Variants in UBE2R2 observed in about 807,000 individuals in gnomAD.
The protein encoded by UBE2R2 is ubiquitin-conjugating enzyme E2 R2.
In UBE2R2, 1 loss-of-function variant was observed where a neutral mutation model predicts 27.8. The observed-to-expected ratio is 0.04, with a 90% confidence interval of 0.01 to 0.17. The LOEUF is 0.17. Ranked by LOEUF, UBE2R2 falls within the 10% of genes least tolerant of loss-of-function variation. The pLI, the probability that UBE2R2 is intolerant of heterozygous loss-of-function variation, is 1.00. For missense variants in UBE2R2, 100 were observed against 291.0 expected, an observed-to-expected ratio of 0.34 and a Z score of 4.78; for synonymous variants, 106 against 113.3, an observed-to-expected ratio of 0.94 and a Z score of 0.41.
intron 3 of UBE2R2, among the ~76,000 whole-genome samples, chr9:33,900,691 A>G (rs1822223547): frequency 6.6e-6 from 1 of 152,136 alleles, no homozygotes; most frequent in Non-Finnish European, 1.5e-5. Context: ...AAAATATTTC[A>G]TACATATAAA....
chr9:33,904,623 A>C (rs1822313173), intron 3 of UBE2R2, among the ~76,000 whole-genome samples: 1 of 152,208 alleles, frequency 6.6e-6, no homozygotes, highest in Admixed American at 6.5e-5. Context: ...AGTCTGTATT[A>C]TCAGATCTGG....
chr9:33,828,387 C>T (rs1820363932), intron 1 of UBE2R2, among the ~76,000 whole-genome samples: 1 of 146,752 alleles, frequency 6.8e-6, no homozygotes. Flanking sequence ...GTTTTTGTCT[C>T]TTAAAACTTT....
intron 2 of UBE2R2, among the ~76,000 whole-genome samples, chr9:33,899,324 T>C (rs186941582): frequency 1.8e-3 from 269 of 152,190 alleles, no homozygotes; most frequent in African/African-American, 6.3e-3. Context: ...CTCAGCCTCC[T>C]GAGTAGCTGG....
intron 1 of UBE2R2, among the ~76,000 whole-genome samples, chr9:33,824,537 G>A (rs571014003): frequency 1.3e-5 from 2 of 152,158 alleles, no homozygotes; most frequent in South Asian, 2.1e-4. Flanking sequence ...TACTTGGGAG[G>A]CTGAGGCAGG....
In UBE2R2 at chr9:33,917,244, C is replaced by A. The variant is rs1822670533; in HGVS notation, c.*7C>A. On this transcript the variant is annotated 3_prime_UTR_variant, in exon 5 of 5. Transcript: ENST00000263228. The stretch of plus-strand genomic sequence containing the variant: ...TGGGAATGAGGAGTCGTGACGTGCT[C>A]CTTCAGTGCCCCTGTACTGCCCTGC... 6 of 1,613,678 alleles carry A rather than the reference C, an allele frequency of 3.7e-6. No individual in the cohort carries two copies. The African/African-American group carries it at 8.0e-5, about 22-fold the overall frequency.
chr9:33,831,821 G>A (rs1007519331), intron 1 of UBE2R2, among the ~76,000 whole-genome samples: 4 of 151,446 alleles, frequency 2.6e-5, no homozygotes, highest in East Asian at 2.0e-4. Context: ...CAACACGCCC[G>A]GTTAATTTTT....
At chr9:33,869,909 C>G (rs955332354) in intron 1 of UBE2R2, among the ~76,000 whole-genome samples, 1 of 152,040 alleles carries the variant, frequency 6.6e-6, no homozygotes, top group Non-Finnish European at 1.5e-5. Flanking sequence ...TGCAATGGCG[C>G]GATCTCGGCT....
chr9:33,917,438 G>T lies in UBE2R2; in HGVS notation c.*201G>T. ...AATGGAGAGAGAGTAACCCTCCACA[G>T]AATGTCTGAATTCTTGCATTCTTTA... is the stretch of plus-strand genomic sequence containing the variant. On this transcript the variant is annotated 3_prime_UTR_variant, in exon 5 of 5. Coordinates refer to ENST00000263228, the MANE Select transcript of UBE2R2 (RefSeq NM_017811.4). 1.4e-6 allele frequency: 1 copy of T among 707,172 alleles called. No homozygotes were observed. Among genetic ancestry groups the T allele is most frequent in the Non-Finnish European group, 2.3e-6 (1 of 442,154 alleles). 43.8% of individuals were successfully genotyped at this position (707,172 alleles called of 1,614,324 possible).
intron 1 of UBE2R2, among the ~76,000 whole-genome samples, chr9:33,883,629 T>A (rs1040924723): frequency 6.8e-6 from 1 of 147,546 alleles, no homozygotes; most frequent in Non-Finnish European, 1.5e-5. Context: ...GGCAGGAGGA[T>A]CACTTGAGCC....
At chr9:33,915,807 A>C (rs1006583735) in intron 4 of UBE2R2, among the ~76,000 whole-genome samples, 4 of 152,048 alleles carry the variant, frequency 2.6e-5, no homozygotes, top group African/African-American at 9.7e-5. Context: ...GATAGTGCTA[A>C]GTAGGATAAT....
At chr9:33,823,988 T>G (rs1024938529) in intron 1 of UBE2R2, among the ~76,000 whole-genome samples, 2 of 152,182 alleles carry the variant, frequency 1.3e-5, no homozygotes, top group Admixed American at 6.5e-5. Flanking sequence ...TTGTCTTGAG[T>G]ACTGGGTGAA....
At chr9:33,902,000 A>G (rs1000213035) in intron 3 of UBE2R2, among the ~76,000 whole-genome samples, 5 of 149,276 alleles carry the variant, frequency 3.3e-5, no homozygotes, top group African/African-American at 4.9e-5. Context: ...CACAGCCTCA[A>G]CCTCCCGGGC....
At chr9:33,906,186 G>A (rs1220108595) in intron 3 of UBE2R2, among the ~76,000 whole-genome samples, 1 of 152,048 alleles carries the variant, frequency 6.6e-6, no homozygotes, top group Non-Finnish European at 1.5e-5. Flanking sequence ...GCAATGGTGC[G>A]ATCTCAGCTC....
rs976847124 is a variant in UBE2R2, at chr9:33,917,669, A to G, written c.*432A>G. 4 of 272,730 alleles carry G rather than the reference A, an allele frequency of 1.5e-5. No homozygotes were observed. Among genetic ancestry groups the G allele is most frequent in the Admixed American group, 5.3e-5 (1 of 18,994 alleles). 16.9% of individuals were successfully genotyped at this position (272,730 alleles called of 1,614,324 possible). On this transcript the variant is annotated 3_prime_UTR_variant, in exon 5 of 5. Transcript: ENST00000263228. Reference sequence around the variant, plus strand: ...AAGTGCTGCATATACTGGGTAGCAAAAGAAAATGGAAAAAAACCCACAAAA... The same window carrying G: ...AAGTGCTGCATATACTGGGTAGCAAGAGAAAATGGAAAAAAACCCACAAAA...
chr9:33,868,018 C>T (rs1821401299), intron 1 of UBE2R2, among the ~76,000 whole-genome samples: 2 of 152,204 alleles, frequency 1.3e-5, no homozygotes, highest in African/African-American at 4.8e-5. Flanking sequence ...TCAGCTCACA[C>T]GAACTGTTTG....
intron 1 of UBE2R2, among the ~76,000 whole-genome samples, chr9:33,876,563 A>G (rs1165145003): frequency 2.0e-5 from 3 of 152,086 alleles, no homozygotes; most frequent in Non-Finnish European, 2.9e-5. Context: ...AAGCACACCA[A>G]CCAATGTTAC....
chr9:33,822,426 CTT>C (rs11309053), intron 1 of UBE2R2, among the ~76,000 whole-genome samples: 130 of 133,684 alleles, frequency 9.7e-4, no homozygotes, highest in Non-Finnish European at 9.7e-4. Context: ...TCTTCAAAAC[CTT>C]TTTTTTTTTT....
chr9:33,897,165 T>C (rs1414526271), intron 2 of UBE2R2, among the ~76,000 whole-genome samples: 1 of 150,162 alleles, frequency 6.7e-6, no homozygotes, highest in East Asian at 2.0e-4. Flanking sequence ...GCCTCCTGAG[T>C]AGCTGGGACT....
At chr9:33,913,304 C>G (rs1171088242) in intron 4 of UBE2R2, among the ~76,000 whole-genome samples, 1 of 152,146 alleles carries the variant, frequency 6.6e-6, no homozygotes, top group Non-Finnish European at 1.5e-5. Flanking sequence ...TACTCTGTTG[C>G]CTGGGCTGGA....
Sources: allele counts gnomAD v4.1 joint callset (sites outside exome capture counted in the v4.1 genomes callset), GRCh38; gene constraint gnomAD v4.1.1; transcripts MANE v1.5; gene names NCBI Gene and HGNC (gene_info 2026-07-23, HGNC 2026-07-21).